Variants in COCH observed in about 807,000 individuals in gnomAD.
COCH encodes coagulation factor C homolog, cochlin (Limulus polyphemus).
In COCH, 40 loss-of-function variants were observed where a neutral mutation model predicts 54.8. The observed-to-expected ratio is 0.73, with a 90% CI of 0.57 to 0.95. The LOEUF (loss-of-function observed/expected upper bound fraction) is 0.95, where lower values mean the gene tolerates loss of function less well. COCH is among the 40% of genes least tolerant of loss of function. The pLI is 0.00. For missense variants in COCH, 605 were observed against 675.0 expected, an observed-to-expected ratio of 0.90 and a Z score of 1.15; for synonymous variants, 256 against 237.9, an observed-to-expected ratio of 1.08 and a Z score of -0.70.
chr14:30,889,449 G>A (rs563972272), intron 11 of COCH, 167 bp from the exon 12 acceptor site: 14 of 640,330 alleles, frequency 2.2e-5, no homozygotes, highest in Non-Finnish European at 3.0e-5. Flanking sequence ...TGCCACTCTC[G>A]TCACAATGAC....
At chr14:30,893,444 G>T (rs1002686599), downstream of COCH, among the ~76,000 whole-genome samples, 3 of 151,982 alleles carry the variant, frequency 2.0e-5, no homozygotes, top group African/African-American at 7.3e-5. Flanking sequence ...GAGCCACCGC[G>T]CCCGGCCAAA....
At chr14:30,885,670 G>GGACC in intron 10 of COCH, 50 bp downstream of exon 10, 11 of 1,455,270 alleles carry the variant, frequency 7.6e-6, no homozygotes, top group Non-Finnish European at 9.7e-6. Context: ...ATTCCATTTT[G>GGACC]GACCTCTAAG....
chr14:30,882,127 T>TTTTTA (rs1566410381), intron 8 of COCH, among the ~76,000 whole-genome samples: 1 of 98,518 alleles, frequency 1.0e-5, no homozygotes, highest in African/African-American at 4.0e-5. Flanking sequence ...ATGGTTTTTT[T>TTTTTA]TTTTTTTTTT....
intron 6 of COCH, 132 bp from the exon 7 acceptor site, chr14:30,880,320 C>A (rs1895524430): frequency 1.5e-6 from 2 of 1,361,488 alleles, no homozygotes; most frequent in Admixed American, 4.2e-5. Context: ...CCAGAAAATC[C>A]TGAGGAAATT....
In COCH at chr14:30,890,549, T is replaced by G. The variant is rs1452423509; in HGVS notation, c.*758T>G. Reference sequence around the variant, plus strand: ...ATAAACATTTAAAGACAAAGACATTTCAAATAACTGCAGAAAAAATATTGT... The same window carrying G: ...ATAAACATTTAAAGACAAAGACATTGCAAATAACTGCAGAAAAAATATTGT... On this transcript the variant is annotated 3_prime_UTR_variant, in exon 12 of 12. Coordinates refer to ENST00000396618, the MANE Select transcript of COCH (RefSeq NM_004086.3). 1.0e-6 allele frequency: 1 copy of G among 956,732 alleles called. No homozygotes were observed. Among genetic ancestry groups the G allele is most frequent in the African/African-American group, 1.8e-5 (1 of 56,628 alleles). The allele number at this position is 956,732 out of a possible 1,614,324, so 59.3% of individuals were successfully genotyped here.
In COCH at chr14:30,890,163, C is replaced by T; in HGVS notation, c.*372C>T. The T allele has an allele frequency of 2.0e-6, 2 of 1,003,782 alleles. No individual in the cohort carries two copies. The highest frequency in any genetic ancestry group is 1.2e-6 in the Non-Finnish European group (1 of 840,298). 62.2% of individuals were successfully genotyped at this position (1,003,782 alleles called of 1,614,324 possible). ...AAGCAACATTCGTTCTCTAACCATT[C>T]TGTATTGATTATATAAGCAAAATGA... On this transcript the variant is annotated 3_prime_UTR_variant, in exon 12 of 12. Coordinates refer to ENST00000396618, the MANE Select transcript of COCH (RefSeq NM_004086.3).
chr14:30,884,904 G>A (rs1245019443), intron 9 of COCH: 1 of 1,592,962 alleles, frequency 6.3e-7, no homozygotes, highest in Non-Finnish European at 8.5e-7. Flanking sequence ...ACATTGGATT[G>A]ACTAGATATA....
intron 8 of COCH, 40 bp from the exon 9 acceptor site, chr14:30,884,513 T>A (rs1216866254): frequency 1.4e-6 from 2 of 1,416,018 alleles, no homozygotes; most frequent in Non-Finnish European, 2.0e-6. Flanking sequence ...ATTTTACCTT[T>A]TTAATTCTCC....
chr14:30,891,176 A>G (rs1566417753), downstream of COCH, among the ~76,000 whole-genome samples: 4 of 152,228 alleles, frequency 2.6e-5, no homozygotes, highest in Admixed American at 6.6e-5. Flanking sequence ...TGTAATTGAC[A>G]TCATTTTTTA....
downstream of COCH, among the ~76,000 whole-genome samples, chr14:30,891,430 C>T (rs886520880): frequency 4.6e-5 from 7 of 152,104 alleles, no homozygotes; most frequent in Non-Finnish European, 8.8e-5. Context: ...CAATTTTATA[C>T]CCTGCATAAG....
chr14:30,895,065 AAAAAAAAAAAAAAAGAAG>A (rs1896099013), downstream of COCH: 1 of 207,870 alleles, frequency 4.8e-6, no homozygotes, highest in African/African-American at 2.4e-5. Context: ...AAAAAAAAAA[AAAAAAAAAAAAAAAGAAG>A]AAGAAGAAGA....
chr14:30,882,124 T>G (rs1335790014), intron 8 of COCH, among the ~76,000 whole-genome samples: 38 of 97,456 alleles, frequency 3.9e-4, no homozygotes, highest in African/African-American at 1.2e-3. Context: ...AAAATGGTTT[T>G]TTTTTTTTTT....
In COCH at chr14:30,877,801, A is replaced by G. The variant is rs946503084; in HGVS notation, c.239+73A>G. On this transcript the variant is annotated intron_variant, in intron 4 of 11. Coordinates refer to ENST00000396618, the MANE Select transcript of COCH (RefSeq NM_004086.3). This position sits in a 1 kb window ranked among gnomAD's most constrained non-coding sequence, Gnocchi z 8.6. ...TTCCTTTCCTGCTTTACCCATCTGG[A>G]TCCCTTTCCTCCCTGCATTCTTTCT... is the stretch of plus-strand genomic sequence containing the variant. 1.2e-6 allele frequency: 2 copies of G among 1,603,964 alleles called. No homozygotes were observed. Among genetic ancestry groups the G allele is most frequent in the Non-Finnish European group, 1.7e-6 (2 of 1,177,442 alleles).
intron 8 of COCH, among the ~76,000 whole-genome samples, 177 bp downstream of exon 8, chr14:30,880,911 G>A (rs1009303266): frequency 6.6e-6 from 1 of 152,040 alleles, no homozygotes; most frequent in Admixed American, 6.6e-5. Context: ...CTTTGTGTTG[G>A]ATACATTCAA....
intron 8 of COCH, among the ~76,000 whole-genome samples, chr14:30,881,191 G>C (rs1008238600): frequency 6.7e-6 from 1 of 148,430 alleles, no homozygotes; most frequent in Non-Finnish European, 1.5e-5. Context: ...CTCCAGCCTG[G>C]GCAACAGTGA....
Position 30,885,608 on chromosome 14 carries a change from A to G in COCH, c.948A>G (p.Thr316=). The change falls in exon 10 of 12, where the codon ACA becomes ACG. Residue 316 remains threonine (T), a synonymous_variant. Coordinates refer to ENST00000396618, the MANE Select transcript of COCH (RefSeq NM_004086.3). ...AACTGGGGATGGTTCAGGATGTCACATTTGTTGACAAGGTAAAGTGGTGAG... is the reference window on the plus strand; with the variant it reads ...AACTGGGGATGGTTCAGGATGTCACGTTTGTTGACAAGGTAAAGTGGTGAG... ...PEELGMVQDV[T]FVDKAVCRNN... The G allele has an allele frequency of 1.0e-5, 16 of 1,596,002 alleles. No homozygotes were observed. The highest frequency in any genetic ancestry group is 1.3e-5 in the Non-Finnish European group (15 of 1,163,476).
Position 30,877,401 on chromosome 14 carries a change from C to A in COCH, c.83-171C>A. On this transcript the variant is annotated intron_variant, in intron 3 of 11. Coordinates refer to ENST00000396618, the MANE Select transcript of COCH (RefSeq NM_004086.3). The surrounding 1 kb of genome is among the most constrained non-coding windows in gnomAD (Gnocchi z 8.6). The stretch of plus-strand genomic sequence containing the variant: ...GGACTATATTAAATTGGAAAACAAC[C>A]TTGTGGCTTGCCAAAATCTGGAATG... 1 of 754,732 alleles carries A rather than the reference C, an allele frequency of 1.3e-6. No individual in the cohort carries two copies. The highest frequency in any genetic ancestry group is 2.5e-5 in the Admixed American group (1 of 39,378). 46.8% of individuals were successfully genotyped at this position (754,732 alleles called of 1,614,324 possible). A position where few individuals can be genotyped will look rare whatever the true frequency, so the allele number is the denominator to read the frequency against.
intron 7 of COCH, 42 bp from the exon 8 acceptor site, chr14:30,880,545 T>C: frequency 1.9e-6 from 3 of 1,614,152 alleles, no homozygotes; most frequent in Non-Finnish European, 2.5e-6. Flanking sequence ...CCCTCCCTCC[T>C]CTTGAGACTG....
At chr14:30,889,385 T>C (rs1895904247) in intron 11 of COCH, 2 of 526,622 alleles carry the variant, frequency 3.8e-6, no homozygotes, top group African/African-American at 3.8e-5. Context: ...ATGACTTACC[T>C]GTTAATGTGG....
Sources: allele counts gnomAD v4.1 joint callset (sites outside exome capture counted in the v4.1 genomes callset), GRCh38; gene constraint gnomAD v4.1.1; non-coding constraint Gnocchi (gnomAD v3.1); transcripts MANE v1.5; gene names NCBI Gene and HGNC (gene_info 2026-07-23, HGNC 2026-07-21).